Variants in TGM5 observed in about 807,000 individuals in gnomAD.
The protein encoded by TGM5 is transglutaminase 5, also known as protein-glutamine gamma-glutamyltransferase 5.
Under a neutral mutation model 77.2 loss-of-function variants are expected in TGM5, and 69 were observed. The observed-to-expected ratio is 0.89, with a 90% CI of 0.74 to 1.09. The LOEUF is 1.09. Ranked by LOEUF, TGM5 falls within the 50% of genes least tolerant of loss-of-function variation. The pLI is 0.00. For synonymous variants in TGM5, 346 were observed against 351.8 expected, an observed-to-expected ratio of 0.98 and a Z score of 0.18; for missense variants, 842 against 896.5, an observed-to-expected ratio of 0.94 and a Z score of 0.78.
At chr15:43,244,820 C>T (rs2042659974) in intron 6 of TGM5, among the ~76,000 whole-genome samples, 1 of 152,228 alleles carries the variant, frequency 6.6e-6, no homozygotes, top group South Asian at 2.1e-4. Flanking sequence ...GTAATCCCAG[C>T]ACTTTGAGAG....
chr15:43,257,921 C>T (rs1454623381), intron 3 of TGM5, among the ~76,000 whole-genome samples: 5 of 152,050 alleles, frequency 3.3e-5, no homozygotes, highest in Non-Finnish European at 5.9e-5. Flanking sequence ...AGTTCATGTC[C>T]TTTATAGGGA....
chr15:43,237,458 G>A (rs530989050), intron 9 of TGM5, among the ~76,000 whole-genome samples: 3 of 152,246 alleles, frequency 2.0e-5, no homozygotes, highest in East Asian at 1.9e-4. Context: ...ACTTCACACC[G>A]AATCAGTGAT....
intron 7 of TGM5, chr15:43,239,577 G>A: frequency 2.4e-6 from 1 of 408,282 alleles, no homozygotes; most frequent in Non-Finnish European, 4.6e-6. Context: ...CTACTTGGGA[G>A]GCTGAGGTGG....
chr15:43,255,238 G>A (rs1016606633), intron 4 of TGM5, among the ~76,000 whole-genome samples: 3 of 152,164 alleles, frequency 2.0e-5, no homozygotes, highest in Non-Finnish European at 4.4e-5. Context: ...GGAGGCTGAG[G>A]TGGGAGGATC....
intron 3 of TGM5, among the ~76,000 whole-genome samples, chr15:43,258,698 C>T (rs975980711): frequency 1.3e-5 from 2 of 152,212 alleles, no homozygotes; most frequent in Non-Finnish European, 2.9e-5. Flanking sequence ...AGTGAGGCTT[C>T]CCAGCCAATA....
At chr15:43,261,794 A>G (rs2042792191) in intron 1 of TGM5, among the ~76,000 whole-genome samples, 1 of 152,032 alleles carries the variant, frequency 6.6e-6, no homozygotes, top group Non-Finnish European at 1.5e-5. Flanking sequence ...GAGTCACCAT[A>G]ATGGCCTCCA....
Position 43,266,910 on chromosome 15 carries a change from A to C in TGM5, c.-61T>G, listed in dbSNP as rs1179256013. 1.2e-6 allele frequency: 2 copies of C among 1,610,886 alleles called. No homozygotes were observed. Among genetic ancestry groups the C allele is most frequent in the Non-Finnish European group, 1.7e-6 (2 of 1,178,340 alleles). On this transcript the variant is annotated 5_prime_UTR_variant, in exon 1 of 13. Coordinates refer to ENST00000220420, the MANE Select transcript of TGM5 (RefSeq NM_201631.4). ...GAACAGCTGGGCGGTCTGGAGCTTCAGCAAACTGGTGCCAGAGTGTCTACT... is the reference window on the plus strand; with the variant it reads ...GAACAGCTGGGCGGTCTGGAGCTTCCGCAAACTGGTGCCAGAGTGTCTACT...
At chr15:43,234,228 G>C (rs1435119110) in intron 11 of TGM5, among the ~76,000 whole-genome samples, 1 of 152,168 alleles carries the variant, frequency 6.6e-6, no homozygotes, top group African/African-American at 2.4e-5. Context: ...GGGTCTAGGA[G>C]GCTGGTTGAC....
chr15:43,239,634 A>C (rs1311324806), intron 7 of TGM5: 1 of 330,334 alleles, frequency 3.0e-6, no homozygotes, highest in African/African-American at 2.1e-5. Flanking sequence ...TGATCATACC[A>C]CTGTGCTCCA....
chr15:43,260,460 A>G lies in TGM5; in HGVS notation c.130T>C (p.Tyr44His), dbSNP rs1432786198. The G allele has an allele frequency of 6.2e-7, 1 of 1,614,064 alleles. No homozygotes were observed. The highest frequency in any genetic ancestry group is 2.2e-5 in the East Asian group (1 of 44,890). Reference sequence around the variant, plus strand: ...GGCTGGAAGCTCCGGTTCCTGAAGTACAGGGTGAGGTTGAAGGCCTGGCCC... The same window carrying G: ...GGCTGGAAGCTCCGGTTCCTGAAGTGCAGGGTGAGGTTGAAGGCCTGGCCC... ...RRGQAFNLTL[Y>H]FRNRSFQPGL... Residue 44 changes from tyrosine (Y) to histidine (H), a missense_variant, in exon 2 of 13, where the codon TAC (tyrosine) becomes CAC (histidine). Tyr to His is a moderately conservative substitution (Grantham distance 83). This residue lies in a region of TGM5 where 815 missense variants were observed against 844.6 expected (regional missense o/e 0.96). Coordinates refer to ENST00000220420, the MANE Select transcript of TGM5 (RefSeq NM_201631.4).
intron 6 of TGM5, among the ~76,000 whole-genome samples, chr15:43,242,478 G>A (rs911645386): frequency 7.2e-5 from 11 of 152,194 alleles, no homozygotes; most frequent in Non-Finnish European, 1.5e-4. Flanking sequence ...CATATTCTAA[G>A]GGGTAAAGTG....
chr15:43,260,199 C>T lies in TGM5; in HGVS notation c.289G>A (p.Ala97Thr). 1 of 1,613,988 alleles carries T rather than the reference C, an allele frequency of 6.2e-7. No individual in the cohort carries two copies. Among genetic ancestry groups the T allele is most frequent in the Non-Finnish European group, 8.5e-7 (1 of 1,180,008 alleles). ...CACAAGCTCACCTCTGTGGAGGTGG[C>T]CCCATTGGTCTCCAGCCAGGCAATC... ...PWIAWLETNG[A>T]TSTEVSLCAP... The change falls in exon 3 of 13, where the codon GCC (alanine) becomes ACC (threonine). Residue 97 changes from alanine to threonine, a missense_variant. This residue lies in a region of TGM5 where 815 missense variants were observed against 844.6 expected (regional missense o/e 0.96). Transcript: ENST00000220420.
At chr15:43,260,816 T>C (rs2042780632) in intron 1 of TGM5, 1 of 597,858 alleles carries the variant, frequency 1.7e-6, no homozygotes, top group East Asian at 3.1e-5. Flanking sequence ...TCTGACCCTC[T>C]ATCTTCTTCT....
In TGM5 at chr15:43,260,204, T is replaced by C. The variant is rs140876828; in HGVS notation, c.284A>G (p.Asn95Ser). The C allele has an allele frequency of 2.7e-5, 43 of 1,613,864 alleles. No individual in the cohort carries two copies. The African/African-American group carries it at 4.7e-4, about 18-fold the overall frequency. Residue 95 changes from asparagine (N) to serine (S), a missense_variant, in exon 3 of 13, where the codon AAT becomes AGT. This residue lies in a region of TGM5 where 815 missense variants were observed against 844.6 expected (regional missense o/e 0.96). Coordinates refer to ENST00000220420, the MANE Select transcript of TGM5 (RefSeq NM_201631.4). ...PSPWIAWLET[N>S]GATSTEVSLC... ...GCTCACCTCTGTGGAGGTGGCCCCA[T>C]TGGTCTCCAGCCAGGCAATCCAGGG...
rs1342162140 is a variant in TGM5, at chr15:43,252,931, G to A, written c.690C>T (p.Asn230=). The change falls in exon 6 of 13, where the codon AAC becomes AAT. Residue 230 remains asparagine, a synonymous_variant. Coordinates refer to ENST00000220420, the MANE Select transcript of TGM5 (RefSeq NM_201631.4). ...TGAGCACCCCATTATCATCATTGCT[G>A]TTGATCTGAAGAGAAGCCATATAGA... ...YVSRVVCAMI[N]SNDDNGVLNG... is the part of the protein sequence containing the mutation. 2.5e-6 allele frequency: 4 copies of A among 1,613,058 alleles called. No homozygotes were observed. Among genetic ancestry groups the A allele is most frequent in the East Asian group, 4.5e-5 (2 of 44,886 alleles).
At chr15:43,252,606 G>A (rs1185612880) in intron 6 of TGM5, among the ~76,000 whole-genome samples, 153 bp downstream of exon 6, 3 of 152,174 alleles carry the variant, frequency 2.0e-5, no homozygotes, top group South Asian at 2.1e-4. Flanking sequence ...GTGAGCCACC[G>A]TGCCCGGCCG....
At chr15:43,252,593 GGTGTGAGCCACC>G (rs2042712056) in intron 6 of TGM5, among the ~76,000 whole-genome samples, 154 bp downstream of exon 6, 1 of 152,194 alleles carries the variant, frequency 6.6e-6, no homozygotes, top group Non-Finnish European at 1.5e-5. Flanking sequence ...TGGGATTACA[GGTGTGAGCCACC>G]GTGCCCGGCC....
At chr15:43,261,987 G>C (rs2042793247) in intron 1 of TGM5, among the ~76,000 whole-genome samples, 2 of 152,162 alleles carry the variant, frequency 1.3e-5, no homozygotes, top group African/African-American at 2.4e-5. Flanking sequence ...CTTGGCCTTA[G>C]CTTATTCTTG....
At chr15:43,252,681 G>T in intron 6 of TGM5, 78 bp downstream of exon 6, 1 of 1,548,074 alleles carries the variant, frequency 6.5e-7, no homozygotes, top group Non-Finnish European at 8.9e-7. Context: ...TGTGGGACTG[G>T]GATGGGAATG....
Sources: gnomAD v4.1 joint callset for allele counts (sites outside exome capture counted in the v4.1 genomes callset) on GRCh38, gnomAD v4.1.1 for gene constraint, gnomAD v4.1.1 regional missense constraint, MANE v1.5 for transcripts, NCBI Gene and HGNC (gene_info 2026-07-23, HGNC 2026-07-21) for gene names.